The following PLXNA1 variants were observed in gnomAD, a reference collection of about 807,000 sequenced individuals.
PLXNA1 encodes the protein plexin A1.
In PLXNA1, 77 loss-of-function variants were observed where a neutral mutation model predicts 191.7. The observed-to-expected ratio is 0.40, with a 90% CI of 0.33 to 0.49. The LOEUF is 0.49. PLXNA1 is among the 20% of genes least tolerant of loss of function. The pLI is 0.63. For missense variants in PLXNA1, 2,110 were observed against 2,660.2 expected, an observed-to-expected ratio of 0.79 and a Z score of 4.55; for synonymous variants, 1,137 against 1,156.4, an observed-to-expected ratio of 0.98 and a Z score of 0.34.
chr3:127,003,436 A>C lies in PLXNA1; in HGVS notation c.1484A>C (p.Asn495Thr), dbSNP rs1297955558. ...CTGCGAGACCTCGTCCTCAGCCCCA[A>C]CCACCAGTACCTCTACGCCATGACC... is the stretch of plus-strand genomic sequence containing the variant. ...PILRDLVLSP[N>T]HQYLYAMTEK... The change falls in exon 4 of 32, where the codon AAC (asparagine) becomes ACC (threonine). Residue 495 changes from asparagine to threonine, a missense_variant. This residue lies in a region of PLXNA1 where 903 missense variants were observed against 1,015.7 expected (regional missense o/e 0.89). Transcript: ENST00000393409. The C allele has an allele frequency of 1.2e-6, 2 of 1,611,286 alleles. No individual in the cohort carries two copies. The highest frequency in any genetic ancestry group is 1.7e-6 in the Non-Finnish European group (2 of 1,179,212).
intron 21 of PLXNA1, 91 bp from the exon 22 acceptor site, chr3:127,021,994 C>T: frequency 4.6e-6 from 7 of 1,519,946 alleles, no homozygotes; most frequent in South Asian, 1.3e-5. Context: ...GGCCCTGCCT[C>T]ACCAGCCAGG....
chr3:126,992,654 G>A (rs537106305), intron 3 of PLXNA1, among the ~76,000 whole-genome samples: 246 of 152,146 alleles, frequency 1.6e-3, no homozygotes, highest in African/African-American at 5.0e-3. Flanking sequence ...TGGTGGTCTT[G>A]GGGCCCGTGG....
In PLXNA1 at chr3:127,035,879, C is replaced by G. The variant is rs1364940728; in HGVS notation, c.*1862C>G. The G allele has an allele frequency of 6.6e-6, 1 of 152,348 alleles. No homozygotes were observed. The highest frequency in any genetic ancestry group is 1.5e-5 in the Non-Finnish European group (1 of 68,054). 9.4% of individuals were successfully genotyped at this position (152,348 alleles called of 1,614,324 possible). On this transcript the variant is annotated 3_prime_UTR_variant, in exon 32 of 32. Transcript: ENST00000393409. ...CGGGTCGGTGTGGAGTCAGTGACTG[C>G]TGACTCAGGGAGCTCCTTGGCCCCG...
intron 23 of PLXNA1, among the ~76,000 whole-genome samples, chr3:127,025,769 G>A (rs773974004): frequency 5.9e-5 from 9 of 152,334 alleles, no homozygotes; most frequent in Non-Finnish European, 1.2e-4. Flanking sequence ...ATCGACAGAT[G>A]AATGAATAAG....
chr3:127,005,392 G>C, intron 7 of PLXNA1, 149 bp downstream of exon 7: 1 of 1,046,740 alleles, frequency 9.6e-7, no homozygotes, highest in Non-Finnish European at 1.3e-6. Flanking sequence ...CTCACCACCT[G>C]CTGGTCTGGG....
chr3:126,993,033 A>G (rs1031957809), intron 3 of PLXNA1, among the ~76,000 whole-genome samples: 2 of 152,094 alleles, frequency 1.3e-5, no homozygotes, highest in Non-Finnish European at 2.9e-5. Flanking sequence ...CCAGCCAGTG[A>G]CCAGGTTCCT....
At chr3:127,021,358 C>A (rs1290684394) in intron 21 of PLXNA1, among the ~76,000 whole-genome samples, 2 of 152,218 alleles carry the variant, frequency 1.3e-5, no homozygotes, top group Non-Finnish European at 2.9e-5. Context: ...CTGCCTGATA[C>A]CTGTTGGCCT....
At chr3:127,021,076 AC>A (rs1328269610) in intron 21 of PLXNA1, among the ~76,000 whole-genome samples, 1 of 152,024 alleles carries the variant, frequency 6.6e-6, no homozygotes, top group Non-Finnish European at 1.5e-5. Flanking sequence ...GCACCCCCCA[AC>A]CGTGTGCCTT....
intron 23 of PLXNA1, 24 bp downstream of exon 23, chr3:127,022,842 G>A: frequency 6.2e-7 from 1 of 1,600,240 alleles, no homozygotes; most frequent in Non-Finnish European, 8.6e-7. Context: ...GGAGGAAGCA[G>A]GTGTCAGAGG....
chr3:126,999,510 C>T (rs536258060), intron 3 of PLXNA1, among the ~76,000 whole-genome samples: 67 of 152,326 alleles, frequency 4.4e-4, no homozygotes, highest in African/African-American at 1.4e-3. Flanking sequence ...CCCTGCCTCC[C>T]GGCGGCTGGG....
intron 10 of PLXNA1, among the ~76,000 whole-genome samples, chr3:127,013,506 C>T (rs1388830280): frequency 3.3e-5 from 5 of 152,202 alleles, no homozygotes; most frequent in Non-Finnish European, 5.9e-5. Flanking sequence ...AGGGGCAGTT[C>T]CCCTGGGCCC....
intron 7 of PLXNA1, 72 bp from the exon 8 acceptor site, chr3:127,006,007 C>T: frequency 8.6e-7 from 1 of 1,157,084 alleles, no homozygotes; most frequent in Non-Finnish European, 1.3e-6. Flanking sequence ...AAGTTGTTCC[C>T]CTGTCTGGAC....
In PLXNA1 at chr3:127,034,180, C is replaced by A; in HGVS notation, c.*163C>A. On this transcript the variant is annotated 3_prime_UTR_variant, in exon 32 of 32. Coordinates refer to ENST00000393409, the MANE Select transcript of PLXNA1 (RefSeq NM_032242.4). ...CCTGCCTCACCCGGTCGGGTCCCGG[C>A]TCTTCCTGTGTGGAGGTGATGGTAC... 1.6e-6 allele frequency: 1 copy of A among 614,566 alleles called. No individual in the cohort carries two copies. The allele number at this position is 614,566 out of a possible 1,614,324, so 38.1% of individuals were successfully genotyped here. A position where few individuals can be genotyped will look rare whatever the true frequency, so the allele number is the denominator to read the frequency against.
Position 127,029,019 on chromosome 3 carries a change from A to C in PLXNA1, c.4696A>C (p.Ile1566Leu). ...LEWRQGRMAR[I>L]ILQDEDVTTK... ...GTGGCGCCAGGGCCGCATGGCGCGC[A>C]TCATCCTGCAGGACGAGGACGTCAC... Residue 1566 changes from isoleucine to leucine, a missense_variant, in exon 26 of 32, where the codon ATC becomes CTC. Physicochemically the swap from Ile to Leu is conservative, Grantham distance 5. Coordinates refer to ENST00000393409, the MANE Select transcript of PLXNA1 (RefSeq NM_032242.4). 1 of 1,613,360 alleles carries C rather than the reference A, an allele frequency of 6.2e-7. No homozygotes were observed. Among genetic ancestry groups the C allele is most frequent in the Non-Finnish European group, 8.5e-7 (1 of 1,179,902 alleles).
intron 29 of PLXNA1, among the ~76,000 whole-genome samples, chr3:127,031,459 G>A (rs1391483798): frequency 2.0e-5 from 3 of 152,144 alleles, no homozygotes; most frequent in South Asian, 2.1e-4. Context: ...ACCAGGAAGT[G>A]CCCCTCCTCA....
intron 1 of PLXNA1, among the ~76,000 whole-genome samples, chr3:126,983,622 G>A (rs896735609): frequency 6.7e-6 from 1 of 148,534 alleles, no homozygotes; most frequent in African/African-American, 2.4e-5. Flanking sequence ...CCCGCCCCCC[G>A]GCCGGGCCCG....
intron 15 of PLXNA1, among the ~76,000 whole-genome samples, chr3:127,015,993 T>C (rs1302069766): frequency 6.6e-6 from 1 of 151,992 alleles, no homozygotes; most frequent in Admixed American, 6.5e-5. Flanking sequence ...CCCAGGGTAG[T>C]AGGAGTGGGT....
rs2078981626 is a variant in PLXNA1 at position 126,989,734 on chromosome 3, G to A, written c.1141G>A (p.Gly381Ser). The A allele has an allele frequency of 6.2e-7, 1 of 1,612,838 alleles. No homozygotes were observed. The highest frequency in any genetic ancestry group is 1.3e-5 in the African/African-American group (1 of 74,934). The change falls in exon 2 of 32, where the codon GGC becomes AGC. Residue 381 changes from glycine to serine, a missense_variant. Gly to Ser is a moderately conservative substitution (Grantham distance 56, BLOSUM62 0). This residue lies in a region of PLXNA1 where 903 missense variants were observed against 1,015.7 expected (regional missense o/e 0.89). Coordinates refer to ENST00000393409, the MANE Select transcript of PLXNA1 (RefSeq NM_032242.4). ...ERIQSCYRGEGKLSLPWLLNK... is the reference protein window; with the variant it reads ...ERIQSCYRGESKLSLPWLLNK... ...CATCCAGTCCTGCTACCGTGGTGAG[G>A]GCAAGCTCTCCCTGCCGTGGCTGCT...
chr3:127,021,013 G>A (rs1576686881), intron 21 of PLXNA1, among the ~76,000 whole-genome samples: 1 of 152,222 alleles, frequency 6.6e-6, no homozygotes, highest in Non-Finnish European at 1.5e-5. Flanking sequence ...AGTCCTTGGC[G>A]AGCCACGGCC....
Sources: allele counts gnomAD v4.1 joint callset (sites outside exome capture counted in the v4.1 genomes callset), GRCh38; gene constraint gnomAD v4.1.1; regional missense constraint gnomAD v4.1.1; transcripts MANE v1.5; gene names NCBI Gene and HGNC (gene_info 2026-07-23, HGNC 2026-07-21).